The following NLK variants were observed in gnomAD, a reference collection of about 807,000 sequenced individuals.
NLK encodes nemo like kinase, also known as serine/threonine-protein kinase NLK.
NLK carries 11 observed loss-of-function variants against 59.0 expected under a neutral mutation model. The ratio of observed to expected loss-of-function variants is 0.19; its 90% CI spans 0.12 to 0.31. NLK has a LOEUF of 0.31. Among genes scored for constraint, NLK ranks in the 10% least tolerant of loss-of-function variants. The pLI is 1.00. For missense variants in NLK, 410 were observed against 661.1 expected (o/e 0.62, Z 4.16); for synonymous variants, 235 against 235.9 (o/e 1.00, Z 0.03).
At chr17:28,082,115 C>A (rs1255422396) in intron 1 of NLK, among the ~76,000 whole-genome samples, 4 of 152,144 alleles carry the variant, frequency 2.6e-5, no homozygotes, top group Non-Finnish European at 5.9e-5. Context: ...GCTGGCCATG[C>A]TAGTCTCGAA....
rs144098402 is a variant in NLK at position 28,184,880 on chromosome 17, G to A, written c.1150-299G>A. ...GAAGAATCACTTGAACCTGGAAGGC[G>A]GAGGTTGCAGTGAACCAAGATGGCG... On this transcript the variant is annotated intron_variant, in intron 7 of 10. Coordinates refer to ENST00000407008, the MANE Select transcript of NLK (RefSeq NM_016231.5). 1.8e-4 allele frequency among the ~76,000 whole-genome samples: 28 copies of A among 152,282 alleles called. No homozygotes were observed. The East Asian group carries it at 4.4e-3, about 24-fold the overall frequency.
intron 1 of NLK, among the ~76,000 whole-genome samples, chr17:28,081,935 C>G (rs191111173): frequency 6.6e-6 from 1 of 152,292 alleles, no homozygotes; most frequent in East Asian, 1.9e-4. Context: ...TCTCTGCCAC[C>G]CAGGCCAGAG....
intron 3 of NLK, among the ~76,000 whole-genome samples, chr17:28,157,213 A>G (rs1391932288): frequency 2.0e-5 from 3 of 151,864 alleles, no homozygotes; most frequent in Non-Finnish European, 4.4e-5. Context: ...TTTTTTTAAG[A>G]CAAAGTCTTG....
chr17:28,137,305 C>T (rs1419373124), intron 3 of NLK, among the ~76,000 whole-genome samples: 1 of 152,076 alleles, frequency 6.6e-6, no homozygotes, highest in African/African-American at 2.4e-5. Flanking sequence ...CTTAGTATAT[C>T]GTTATACATC....
chr17:28,105,344 A>G (rs1410130737), intron 1 of NLK, among the ~76,000 whole-genome samples: 1 of 152,242 alleles, frequency 6.6e-6, no homozygotes, highest in Non-Finnish European at 1.5e-5. Flanking sequence ...ACTGTAGCAG[A>G]AGAAAATGTA....
chr17:28,205,936 TA>T, the NLK span, among the ~76,000 whole-genome samples: 329 of 152,320 alleles, frequency 2.2e-3, no homozygotes, highest in African/African-American at 7.6e-3. Flanking sequence ...CTCTTTTAGA[TA>T]CACACACGCA....
chr17:28,152,339 TA>T (rs1490624473), intron 3 of NLK, among the ~76,000 whole-genome samples: 1 of 152,246 alleles, frequency 6.6e-6, no homozygotes, highest in Non-Finnish European at 1.5e-5. Context: ...TTTATAAATT[TA>T]TAAGTCAAAG....
intron 1 of NLK, among the ~76,000 whole-genome samples, chr17:28,096,629 A>G (rs1904710627): frequency 6.6e-6 from 1 of 152,188 alleles, no homozygotes; most frequent in Admixed American, 6.5e-5. Context: ...TCAATGGGTC[A>G]TTGCTGTAAA....
intron 7 of NLK, among the ~76,000 whole-genome samples, chr17:28,175,992 C>A (rs1908662145): frequency 6.6e-6 from 1 of 151,838 alleles, no homozygotes; most frequent in African/African-American, 2.4e-5. Context: ...TTTTTTATGC[C>A]TTAACATAAA....
downstream of NLK, among the ~76,000 whole-genome samples, chr17:28,200,216 A>G (rs1203603809): frequency 6.6e-6 from 1 of 152,154 alleles, no homozygotes; most frequent in Non-Finnish European, 1.5e-5. Context: ...TTTGGTGTCC[A>G]GCCTAAGAAC....
intron 8 of NLK, among the ~76,000 whole-genome samples, chr17:28,190,209 C>G (rs142858416): frequency 6.6e-6 from 1 of 152,146 alleles, no homozygotes; most frequent in Non-Finnish European, 1.5e-5. Flanking sequence ...CAGTAATACA[C>G]GTATGTCTAC....
In NLK at chr17:28,112,755, C is replaced by T. The variant is rs113795836; in HGVS notation, c.459-9848C>T. Among the ~76,000 whole-genome samples the T allele has an allele frequency of 6.6e-3, 1,003 of 152,182 alleles. 17 individuals are homozygous for T. Among genetic ancestry groups the T allele is most frequent in the African/African-American group, 0.023 (934 of 41,508 alleles). On this transcript the variant is annotated intron_variant, in intron 1 of 10. Coordinates refer to ENST00000407008, the MANE Select transcript of NLK (RefSeq NM_016231.5). ...GCTGCTTCAGCATTGTGCTTCACAA[C>T]GGAAGAAGTTAGGAGATTGTGATTA... is the stretch of plus-strand genomic sequence containing the variant.
chr17:28,199,695 CAAAAA>C (rs61425914), downstream of NLK, among the ~76,000 whole-genome samples: 6 of 94,860 alleles, frequency 6.3e-5, no homozygotes, highest in African/African-American at 2.5e-4. Flanking sequence ...CAAAACAAAA[CAAAAA>C]AAAAAAACAA....
intron 1 of NLK, among the ~76,000 whole-genome samples, chr17:28,070,611 A>G (rs1174280549): frequency 6.6e-6 from 1 of 151,956 alleles, no homozygotes; most frequent in East Asian, 1.9e-4. Flanking sequence ...TCGGCCTCCC[A>G]AAGTGCTGGG....
At chr17:28,067,837 AAT>A (rs111252386) in intron 1 of NLK, among the ~76,000 whole-genome samples, 4,804 of 146,122 alleles carry the variant, frequency 0.033, 213 homozygotes, top group African/African-American at 0.11. Context: ...ACCTTCTTAA[AAT>A]ATATATATAT....
chr17:28,060,898 AG>A (rs960698141), intron 1 of NLK, among the ~76,000 whole-genome samples: 7 of 152,210 alleles, frequency 4.6e-5, no homozygotes, highest in African/African-American at 1.7e-4. Flanking sequence ...TTAGATACAA[AG>A]ATATATTTAT....
chr17:28,141,590 T>C (rs558117011), intron 3 of NLK, among the ~76,000 whole-genome samples: 4 of 152,320 alleles, frequency 2.6e-5, no homozygotes, highest in African/African-American at 9.6e-5. Flanking sequence ...GACACCAAAT[T>C]GTCTAGATAT....
At chr17:28,204,148 T>C in the NLK span, among the ~76,000 whole-genome samples, 1 of 152,212 alleles carries the variant, frequency 6.6e-6, no homozygotes, top group Admixed American at 6.5e-5. Flanking sequence ...TTTCTTATAT[T>C]TGACAGATGA....
chr17:28,160,480 C>T (rs1448354650), intron 3 of NLK, among the ~76,000 whole-genome samples: 1 of 152,180 alleles, frequency 6.6e-6, no homozygotes, highest in African/African-American at 2.4e-5. Context: ...TTGCATATCT[C>T]CATGGCTCCC....
Sources: gnomAD v4.1 joint callset for allele counts (sites outside exome capture counted in the v4.1 genomes callset) on GRCh38, gnomAD v4.1.1 for gene constraint, MANE v1.5 for transcripts, NCBI Gene and HGNC (gene_info 2026-07-23, HGNC 2026-07-21) for gene names.